Variants in NDFIP1 observed in about 807,000 individuals in gnomAD.
The protein encoded by NDFIP1 is NEDD4 family-interacting protein 1.
A neutral mutation model predicts 28.8 loss-of-function variants in NDFIP1; 7 were observed. That is an observed-to-expected ratio of 0.24 (90% CI 0.14 to 0.46). The LOEUF (loss-of-function observed/expected upper bound fraction) is 0.46, where lower values mean the gene tolerates loss of function less well. Among genes scored for constraint, NDFIP1 ranks in the 20% least tolerant of loss-of-function variants. The probability of loss-of-function intolerance (pLI) is 0.99; values close to 1 mark genes in which losing one functional copy is unlikely to be tolerated. For missense variants in NDFIP1, 194 were observed against 269.1 expected (o/e 0.72, Z 1.95); for synonymous variants, 92 against 101.0 (o/e 0.91, Z 0.53).
intron 6 of NDFIP1, among the ~76,000 whole-genome samples, chr5:142,142,781 A>T (rs1250499736): frequency 1.3e-5 from 2 of 151,650 alleles, no homozygotes; most frequent in Non-Finnish European, 2.9e-5. Flanking sequence ...TACAAAAATT[A>T]GCTGGCTGTG....
intron 5 of NDFIP1, among the ~76,000 whole-genome samples, chr5:142,138,410 C>T (rs764385611): frequency 1.3e-5 from 2 of 152,158 alleles, no homozygotes; most frequent in Non-Finnish European, 2.9e-5. Context: ...TCAGAGTTAC[C>T]AGTTAGTTAA....
chr5:142,126,920 G>A (rs976753088), intron 1 of NDFIP1, among the ~76,000 whole-genome samples: 3 of 151,950 alleles, frequency 2.0e-5, no homozygotes, highest in Non-Finnish European at 2.9e-5. Context: ...CTGTGTTGGA[G>A]ATTCATAAAA....
At chr5:142,111,878 C>A (rs1376058654) in intron 1 of NDFIP1, among the ~76,000 whole-genome samples, 1 of 150,980 alleles carries the variant, frequency 6.6e-6, no homozygotes, top group Non-Finnish European at 1.5e-5. Flanking sequence ...ACCAGCCTGG[C>A]CAACATGGCA....
rs115171620 is a variant in NDFIP1 at position 142,128,917 on chromosome 5, C to G, written c.64-2891C>G. On this transcript the variant is annotated intron_variant, in intron 1 of 7. Transcript: ENST00000253814. The stretch of plus-strand genomic sequence containing the variant: ...GGGGGATGATCAAATTTAACATTTC[C>G]AAGTTTCCAGGAGACAGGCAGCCTA... Among the ~76,000 whole-genome samples the G allele has an allele frequency of 9.5e-3, 1,447 of 152,178 alleles. 14 individuals are homozygous for G. The highest frequency in any genetic ancestry group is 0.013 in the Non-Finnish European group (898 of 68,002).
chr5:142,112,373 G>A (rs1483579917), intron 1 of NDFIP1, among the ~76,000 whole-genome samples: 1 of 149,468 alleles, frequency 6.7e-6, no homozygotes, highest in Non-Finnish European at 1.5e-5. Flanking sequence ...GACAGAGCAA[G>A]ACTCTGTTTA....
At chr5:142,115,219 G>C (rs928336852) in intron 1 of NDFIP1, among the ~76,000 whole-genome samples, 6 of 152,048 alleles carry the variant, frequency 3.9e-5, no homozygotes. Context: ...TAATTATTTT[G>C]GTTTCTTAAA....
At chr5:142,141,100 T>C (rs541650509) in intron 6 of NDFIP1, among the ~76,000 whole-genome samples, 6 of 151,610 alleles carry the variant, frequency 4.0e-5, no homozygotes, top group East Asian at 1.9e-4. Context: ...AGAACCACCA[T>C]TGGATTTCCA....
Position 142,108,809 on chromosome 5 carries a change from G to A in NDFIP1, c.-166G>A. 2.0e-6 allele frequency: 1 copy of A among 493,432 alleles called. No individual in the cohort carries two copies. The allele number at this position is 493,432 out of a possible 1,614,324, so 30.6% of individuals were successfully genotyped here. ...CCGCGTCGGAGCCTCGGCGGCGGCGGCGGTGCTTACAGCCTGAGAAGAGCG... is the reference window on the plus strand; with the variant it reads ...CCGCGTCGGAGCCTCGGCGGCGGCGACGGTGCTTACAGCCTGAGAAGAGCG... On this transcript the variant is annotated 5_prime_UTR_variant, in exon 1 of 8. Transcript: ENST00000253814.
intron 6 of NDFIP1, among the ~76,000 whole-genome samples, chr5:142,141,411 T>G (rs961319841): frequency 3.3e-5 from 5 of 151,656 alleles, no homozygotes. Flanking sequence ...CTCCTGACTT[T>G]GTGATCCGCC....
Position 142,131,853 on chromosome 5 carries a change from G to A in NDFIP1, c.109G>A (p.Asp37Asn). The A allele has an allele frequency of 6.2e-7, 1 of 1,602,198 alleles. No individual in the cohort carries two copies. The highest frequency in any genetic ancestry group is 8.5e-7 in the Non-Finnish European group (1 of 1,176,506). The change falls in exon 2 of 8, where the codon GAT (aspartate) becomes AAT (asparagine). Residue 37 changes from aspartate (D) to asparagine (N), a missense_variant. Physicochemically the swap from Asp to Asn is conservative, Grantham distance 23 (BLOSUM62 1). Coordinates refer to ENST00000253814, the MANE Select transcript of NDFIP1 (RefSeq NM_030571.4). ...TGGAGAACCTGAACAGGCTGCAGGTGATGCTCCTCCACCTTACAGCAGCAT... is the reference window on the plus strand; with the variant it reads ...TGGAGAACCTGAACAGGCTGCAGGTAATGCTCCTCCACCTTACAGCAGCAT... ...ESGEPEQAAG[D>N]APPPYSSISA...
chr5:142,144,463 C>A (rs559844077), intron 6 of NDFIP1, 108 bp from the exon 7 acceptor site: 2 of 799,714 alleles, frequency 2.5e-6, no homozygotes, highest in East Asian at 2.5e-5. Flanking sequence ...GTTTTGATTA[C>A]CTTTAGCAGA....
chr5:142,142,454 A>G (rs1757341424), intron 6 of NDFIP1, among the ~76,000 whole-genome samples: 1 of 152,160 alleles, frequency 6.6e-6, no homozygotes, highest in African/African-American at 2.4e-5. Context: ...TGTTTCCCCA[A>G]GTCAAATCCT....
intron 3 of NDFIP1, chr5:142,134,218 A>G (rs1757252591): frequency 1.3e-5 from 2 of 152,202 alleles, no homozygotes; most frequent in Non-Finnish European, 2.9e-5. Context: ...GGAAACATTA[A>G]CTTGGCAGCA....
intron 3 of NDFIP1, among the ~76,000 whole-genome samples, chr5:142,135,169 C>CAG (rs70991736): frequency 0.67 from 102,033 of 151,388 alleles, 34,699 homozygotes; most frequent in African/African-American, 0.78. Context: ...TTAGTAGAGA[C>CAG]GGGTTTCACC....
chr5:142,140,720 TG>T (rs1344527955), intron 6 of NDFIP1, 91 bp downstream of exon 6: 5 of 976,418 alleles, frequency 5.1e-6, no homozygotes, highest in Non-Finnish European at 7.7e-6. Context: ...TCTTGATTAC[TG>T]TATAGTAATA....
intron 1 of NDFIP1, among the ~76,000 whole-genome samples, chr5:142,113,594 CT>C (rs1561597101): frequency 6.6e-6 from 1 of 152,174 alleles, no homozygotes; most frequent in African/African-American, 2.4e-5. Context: ...ATGTTAACCA[CT>C]TTTAAGTATA....
intron 1 of NDFIP1, among the ~76,000 whole-genome samples, chr5:142,112,798 A>AG (rs1479431034): frequency 2.6e-5 from 4 of 151,214 alleles, no homozygotes; most frequent in Admixed American, 2.0e-4. Flanking sequence ...AAAAAAAAAA[A>AG]GAGGCTAGGC....
intron 1 of NDFIP1, among the ~76,000 whole-genome samples, chr5:142,125,348 T>G (rs369546637): frequency 2.0e-5 from 3 of 152,326 alleles, no homozygotes; most frequent in East Asian, 3.9e-4. Flanking sequence ...TGGAATTGCT[T>G]GATGTTAATA....
chr5:142,125,518 C>T (rs776443699), intron 1 of NDFIP1, among the ~76,000 whole-genome samples: 6 of 152,012 alleles, frequency 3.9e-5, no homozygotes, highest in Non-Finnish European at 7.4e-5. Context: ...TGCCGCCATG[C>T]CTGGCTAATT....
Sources: gnomAD v4.1 joint callset for allele counts (sites outside exome capture counted in the v4.1 genomes callset) on GRCh38, gnomAD v4.1.1 for gene constraint, MANE v1.5 for transcripts, NCBI Gene and HGNC (gene_info 2026-07-23, HGNC 2026-07-21) for gene names.